The following LSAMP variants were observed in gnomAD, a reference collection of about 807,000 sequenced individuals.
The protein encoded by LSAMP is limbic system associated membrane protein.
A neutral mutation model predicts 38.6 loss-of-function variants in LSAMP; 7 were observed. The ratio of observed to expected loss-of-function variants is 0.18; its 90% CI spans 0.10 to 0.34. The LOEUF is 0.34. Among genes scored for constraint, LSAMP ranks in the 10% least tolerant of loss-of-function variants. The probability of loss-of-function intolerance (pLI) is 1.00; values close to 1 mark genes in which losing one functional copy is unlikely to be tolerated. For synonymous variants in LSAMP, 154 were observed against 166.8 expected, an observed-to-expected ratio of 0.92 and a Z score of 0.59; for missense variants, 313 against 420.0, an observed-to-expected ratio of 0.75 and a Z score of 2.23.
intron 1 of LSAMP, among the ~76,000 whole-genome samples, chr3:116,180,232 C>G (rs1229706918): frequency 1.3e-5 from 2 of 152,012 alleles, no homozygotes; most frequent in Non-Finnish European, 2.9e-5. Flanking sequence ...TAGAGTTCAA[C>G]TGAGGCAATG....
intron 1 of LSAMP, among the ~76,000 whole-genome samples, chr3:116,260,643 G>A (rs531059408): frequency 6.6e-6 from 1 of 152,244 alleles, no homozygotes; most frequent in Non-Finnish European, 1.5e-5. Context: ...CCTGGAGGAG[G>A]TTGAGGGAGA....
intron 1 of LSAMP, among the ~76,000 whole-genome samples, chr3:116,295,692 G>C (rs2047321943): frequency 6.6e-6 from 1 of 152,148 alleles, no homozygotes. Context: ...ATCTGTCTTT[G>C]TGTCTTGTGT....
At chr3:116,202,277 A>G (rs1387046731) in intron 1 of LSAMP, among the ~76,000 whole-genome samples, 1 of 151,960 alleles carries the variant, frequency 6.6e-6, no homozygotes, top group Non-Finnish European at 1.5e-5. Context: ...TTGGGACTAC[A>G]GGCGCATGCC....
intron 2 of LSAMP, among the ~76,000 whole-genome samples, chr3:116,084,312 G>GT (rs1206265742): frequency 1.3e-5 from 2 of 151,644 alleles, no homozygotes; most frequent in Admixed American, 6.6e-5. Flanking sequence ...TCTAACCCTT[G>GT]TGAGATGGTC....
chr3:115,872,961 GATAC>G (rs1194890609), intron 3 of LSAMP, among the ~76,000 whole-genome samples: 7 of 152,106 alleles, frequency 4.6e-5, no homozygotes, highest in African/African-American at 7.2e-5. Context: ...AAACATATAT[GATAC>G]ATACATACAC....
chr3:115,887,365 A>C, intron 3 of LSAMP, among the ~76,000 whole-genome samples: 1 of 151,922 alleles, frequency 6.6e-6, no homozygotes, highest in East Asian at 1.9e-4. Flanking sequence ...TATAATATGA[A>C]ATCAAAGTAA....
chr3:116,316,766 A>C (rs1324281711), intron 1 of LSAMP, among the ~76,000 whole-genome samples: 1 of 113,430 alleles, frequency 8.8e-6, no homozygotes, highest in African/African-American at 3.1e-5. Context: ...GCAAGACTCC[A>C]TCTCAAAAAA....
Position 116,445,062 on chromosome 3 carries a change from G to A in LSAMP, c.-31C>T, listed in dbSNP as rs780527696. 2 of 1,595,382 alleles carry A rather than the reference G, an allele frequency of 1.3e-6. No individual in the cohort carries two copies. The highest frequency in any genetic ancestry group is 1.7e-6 in the Non-Finnish European group (2 of 1,169,450). Reference sequence around the variant, plus strand: ...CCACGCCGAGGTGCGGGTCCGCGGGGTGCTCTGGAGGGGTGCGCGCTGCTC... The same window carrying A: ...CCACGCCGAGGTGCGGGTCCGCGGGATGCTCTGGAGGGGTGCGCGCTGCTC... On this transcript the variant is annotated 5_prime_UTR_variant, in exon 1 of 7. Transcript: ENST00000490035.
intron 1 of LSAMP, among the ~76,000 whole-genome samples, chr3:116,307,584 G>A (rs879728773): frequency 6.6e-6 from 1 of 151,816 alleles, no homozygotes; most frequent in African/African-American, 2.4e-5. Context: ...GCCTGTTGAG[G>A]AAGTCCTGAT....
chr3:116,332,917 G>T (rs1465629751), intron 1 of LSAMP, among the ~76,000 whole-genome samples: 1 of 151,914 alleles, frequency 6.6e-6, no homozygotes, highest in Non-Finnish European at 1.5e-5. Context: ...TATATTAATA[G>T]ACTGTTCAAT....
intron 1 of LSAMP, among the ~76,000 whole-genome samples, chr3:116,170,410 T>A (rs1710168148): frequency 6.6e-6 from 1 of 152,224 alleles, no homozygotes; most frequent in Non-Finnish European, 1.5e-5. Context: ...CCAGATTTTA[T>A]AATTACCTTT....
At chr3:116,127,498 AAAT>A (rs1709033103) in intron 1 of LSAMP, among the ~76,000 whole-genome samples, 1 of 152,312 alleles carries the variant, frequency 6.6e-6, no homozygotes, top group East Asian at 1.9e-4. Flanking sequence ...CACATTTTCA[AAAT>A]AATACTATCA....
chr3:116,028,925 T>C (rs1940855386), intron 2 of LSAMP, among the ~76,000 whole-genome samples: 1 of 152,144 alleles, frequency 6.6e-6, no homozygotes, highest in Non-Finnish European at 1.5e-5. Flanking sequence ...TGTTGAGCCA[T>C]TTAATAGATG....
chr3:116,136,317 A>T (rs1158613170), intron 1 of LSAMP, among the ~76,000 whole-genome samples: 2 of 151,958 alleles, frequency 1.3e-5, no homozygotes, highest in Non-Finnish European at 2.9e-5. Context: ...TTCCTAGAAG[A>T]TAAGAGTGTG....
chr3:116,256,347 G>A (rs563076202), intron 1 of LSAMP, among the ~76,000 whole-genome samples: 9 of 152,254 alleles, frequency 5.9e-5, no homozygotes, highest in Admixed American at 3.9e-4. Flanking sequence ...GCACACAAGC[G>A]TGGAAAGATA....
intron 1 of LSAMP, among the ~76,000 whole-genome samples, chr3:116,099,423 C>A (rs1708295046): frequency 6.6e-6 from 1 of 151,798 alleles, no homozygotes. Flanking sequence ...TGAAATTGTT[C>A]CTTTATTTTT....
chr3:116,257,425 T>C (rs1162055128), intron 1 of LSAMP, among the ~76,000 whole-genome samples: 1 of 152,176 alleles, frequency 6.6e-6, no homozygotes, highest in Non-Finnish European at 1.5e-5. Flanking sequence ...CTTTTTAACA[T>C]TGTTTGGATA....
intron 3 of LSAMP, among the ~76,000 whole-genome samples, chr3:115,967,569 T>G (rs1938859840): frequency 6.6e-6 from 1 of 152,166 alleles, no homozygotes; most frequent in Admixed American, 6.5e-5. Flanking sequence ...TTTACTGTAT[T>G]AGTCCATTTT....
At chr3:116,162,943 T>C (rs943952045) in intron 1 of LSAMP, among the ~76,000 whole-genome samples, 5 of 152,044 alleles carry the variant, frequency 3.3e-5, no homozygotes, top group Non-Finnish European at 5.9e-5. Context: ...TGGCTTGACC[T>C]CCAGCCTACA....
Sources: allele counts gnomAD v4.1 joint callset (sites outside exome capture counted in the v4.1 genomes callset), GRCh38; gene constraint gnomAD v4.1.1; transcripts MANE v1.5; gene names NCBI Gene and HGNC (gene_info 2026-07-23, HGNC 2026-07-21).